The following C11orf91 variants were observed in gnomAD, a reference collection of about 807,000 sequenced individuals.
The protein encoded by C11orf91 is chromosome 11 open reading frame 91.
A neutral mutation model predicts 14.3 loss-of-function variants in C11orf91; 10 were observed. The ratio of observed to expected loss-of-function variants is 0.70; its 90% CI spans 0.43 to 1.18. C11orf91 has a LOEUF of 1.18. C11orf91 is among the 50% of genes most tolerant of loss of function. The pLI is 0.00. For synonymous variants in C11orf91, 141 were observed against 130.6 expected (o/e 1.08, Z -0.54); for missense variants, 236 against 269.0 (o/e 0.88, Z 0.86).
At chr11:33,704,706 TAGAC>T (rs1175597085), upstream of C11orf91, 2 of 152,376 alleles carry the variant, frequency 1.3e-5, no homozygotes, top group African/African-American at 4.8e-5. Flanking sequence ...GCATTTCAAA[TAGAC>T]AGGCCAGCTC....
chr11:33,700,748 A>G lies in C11orf91; in HGVS notation c.-8T>C, dbSNP rs1011512925. 1.6e-5 allele frequency: 22 copies of G among 1,342,458 alleles called. No individual in the cohort carries two copies. The African/African-American group carries it at 3.2e-4, about 19-fold the overall frequency. 83.2% of individuals were successfully genotyped at this position (1,342,458 alleles called of 1,614,324 possible). A position where few individuals can be genotyped will look rare whatever the true frequency, so the allele number is the denominator to read the frequency against. ...GCGCCGCCCCTTTGGCATCGTTTGA[A>G]TGAGGGTCTGCGTGGGAGGAACCCC... is the stretch of plus-strand genomic sequence containing the variant. On this transcript the variant is annotated 5_prime_UTR_variant, in exon 1 of 2. Coordinates refer to ENST00000379011, the MANE Select transcript of C11orf91 (RefSeq NM_001166692.2).
In C11orf91 at chr11:33,700,330, G is replaced by A; in HGVS notation, c.411C>T (p.His137=). Residue 137 remains histidine (H), a synonymous_variant, in exon 1 of 2, where the codon CAC becomes CAT. Transcript: ENST00000379011. Reference sequence around the variant, plus strand: ...TCTCCAGCTCGCAGAGCTCCTCCGGGTGGGAGGCAGAGGCGAGCCTGGGGG... The same window carrying A: ...TCTCCAGCTCGCAGAGCTCCTCCGGATGGGAGGCAGAGGCGAGCCTGGGGG... The part of the protein sequence containing the change: ...PSTPRLASAS[H]PEELCELEIR... The A allele has an allele frequency of 6.5e-7, 1 of 1,535,592 alleles. No individual in the cohort carries two copies. The highest frequency in any genetic ancestry group is 8.7e-7 in the Non-Finnish European group (1 of 1,146,744).
chr11:33,702,870 C>G, upstream of C11orf91: 1 of 168,216 alleles, frequency 5.9e-6, no homozygotes, highest in Non-Finnish European at 1.3e-5. Flanking sequence ...GAACCTTTCT[C>G]AACCTCATTT....
upstream of C11orf91, chr11:33,704,939 T>C (rs1401054336): frequency 6.6e-6 from 1 of 152,540 alleles, no homozygotes; most frequent in Non-Finnish European, 1.5e-5. Flanking sequence ...TGGTCTGGAC[T>C]TGGGGGTGCA....
chr11:33,700,924 G>A (rs557347546), upstream of C11orf91: 12 of 365,438 alleles, frequency 3.3e-5, no homozygotes, highest in Admixed American at 1.2e-4. Flanking sequence ...CCCGGAACGC[G>A]GCCCCGCCCA....
chr11:33,700,450 G>A lies in C11orf91; in HGVS notation c.291C>T (p.Gly97=), dbSNP rs1233997561. ...GAGGCTCGTAGGGGATGGAGGCCAG[G>A]CCGGAGGGCCAGGGCGAGGGCCAGG... ...ERPWPSPWPS[G]LASIPYEPLR... The change falls in exon 1 of 2, where the codon GGC becomes GGT. Residue 97 remains glycine (G), a synonymous_variant. Coordinates refer to ENST00000379011, the MANE Select transcript of C11orf91 (RefSeq NM_001166692.2). 1 of 1,483,272 alleles carries A rather than the reference G, an allele frequency of 6.7e-7. No homozygotes were observed. Among genetic ancestry groups the A allele is most frequent in the East Asian group, 2.6e-5 (1 of 38,482 alleles). The allele number at this position is 1,483,272 out of a possible 1,614,324, so 91.9% of individuals were successfully genotyped here. A position where few individuals can be genotyped will look rare whatever the true frequency, so the allele number is the denominator to read the frequency against.
rs1323201189 is a variant in C11orf91 at position 33,700,403 on chromosome 11, G to C, written c.338C>G (p.Pro113Arg). 3 of 1,530,114 alleles carry C rather than the reference G, an allele frequency of 2.0e-6. No homozygotes were observed. Among genetic ancestry groups the C allele is most frequent in the Non-Finnish European group, 1.7e-6 (2 of 1,144,142 alleles). 94.8% of individuals were successfully genotyped at this position (1,530,114 alleles called of 1,614,324 possible). Reference sequence around the variant, plus strand: ...CGAGGCAACCACCTCAGGCCCCGGCGGCGGTGAGTAGAAGAAGCGCAGAGG... The same window carrying C: ...CGAGGCAACCACCTCAGGCCCCGGCCGCGGTGAGTAGAAGAAGCGCAGAGG... Reference protein sequence around the residue: ...YEPLRFFYSPPPGPEVVASPL... With the variant: ...YEPLRFFYSPRPGPEVVASPL... Residue 113 changes from proline (P) to arginine (R), a missense_variant, in exon 1 of 2, where the codon CCG becomes CGG. By Grantham distance (103) the Pro-to-Arg change is moderately radical. Transcript: ENST00000379011.
rs763217367 is a variant in C11orf91, at chr11:33,700,638, G to C, written c.103C>G (p.Pro35Ala). 4.7e-6 allele frequency: 7 copies of C among 1,473,964 alleles called. No homozygotes were observed. In the South Asian group the frequency reaches 9.1e-5, roughly 19 times the overall value. 91.3% of individuals were successfully genotyped at this position (1,473,964 alleles called of 1,614,324 possible). Residue 35 changes from proline to alanine, a missense_variant, in exon 1 of 2, where the codon CCG becomes GCG. Coordinates refer to ENST00000379011, the MANE Select transcript of C11orf91 (RefSeq NM_001166692.2). ...TTCCAGATGTTGAAGTCGCTGAGCG[G>C]GGACGAGGAGATGCCGCGGTCGTAC... The part of the protein sequence containing the change: ...SLYDRGISSS[P>A]LSDFNIWKKL...
At chr11:33,705,116 G>A (rs758162895), upstream of C11orf91, 10 of 152,190 alleles carry the variant, frequency 6.6e-5, no homozygotes, top group Non-Finnish European at 1.3e-4. Context: ...TGGAAGATGA[G>A]GGAGCTGGGT....
At chr11:33,699,857 C>T (rs1331099784) in intron 1 of C11orf91, among the ~76,000 whole-genome samples, 1 of 152,180 alleles carries the variant, frequency 6.6e-6, no homozygotes, top group Non-Finnish European at 1.5e-5. Flanking sequence ...TAGGACCGAA[C>T]ATTAAAGCTT....
At chr11:33,701,502 C>T (rs1853126506), upstream of C11orf91, among the ~76,000 whole-genome samples, 1 of 152,210 alleles carries the variant, frequency 6.6e-6, no homozygotes, top group Non-Finnish European at 1.5e-5. Flanking sequence ...AAATCCTGTC[C>T]GCCCTACCTC....
upstream of C11orf91, among the ~76,000 whole-genome samples, chr11:33,701,514 A>T (rs1413927004): frequency 6.6e-6 from 1 of 152,212 alleles, no homozygotes; most frequent in African/African-American, 2.4e-5. Context: ...CCCTACCTCA[A>T]ATACTTCACC....
chr11:33,704,516 G>A (rs539604875), upstream of C11orf91: 3 of 152,236 alleles, frequency 2.0e-5, no homozygotes, highest in East Asian at 1.9e-4. Context: ...CTGCTTCTAC[G>A]ACCTGCTGAG....
upstream of C11orf91, chr11:33,705,750 A>G (rs1053688147): frequency 6.6e-6 from 1 of 152,180 alleles, no homozygotes; most frequent in Non-Finnish European, 1.5e-5. Context: ...TCCCTTTCAT[A>G]TATACATATA....
At position 33,700,735 on chromosome 11, in the gene C11orf91, T is replaced by C; in HGVS notation, c.6A>G (p.Pro2=). Residue 2 remains proline, a synonymous_variant, in exon 1 of 2, where the codon CCA becomes CCG. Transcript: ENST00000379011. M[P]KGRRGSHSPT... is the part of the protein sequence containing the mutation. Reference sequence around the variant, plus strand: ...GGCTGTGGCTGCCGCGCCGCCCCTTTGGCATCGTTTGAATGAGGGTCTGCG... The same window carrying C: ...GGCTGTGGCTGCCGCGCCGCCCCTTCGGCATCGTTTGAATGAGGGTCTGCG... The C allele has an allele frequency of 7.3e-7, 1 of 1,364,434 alleles. No homozygotes were observed. The highest frequency in any genetic ancestry group is 9.5e-7 in the Non-Finnish European group (1 of 1,055,730). 84.5% of individuals were successfully genotyped at this position (1,364,434 alleles called of 1,614,324 possible).
upstream of C11orf91, chr11:33,702,701 C>A: frequency 2.6e-6 from 1 of 384,680 alleles, no homozygotes; most frequent in Non-Finnish European, 5.1e-6. Context: ...GTTAATCTGT[C>A]TTTGTCAGTT....
At chr11:33,699,827 C>T (rs1853090248) in intron 1 of C11orf91, among the ~76,000 whole-genome samples, 1 of 152,230 alleles carries the variant, frequency 6.6e-6, no homozygotes, top group Admixed American at 6.5e-5. Context: ...TTCACCTTCC[C>T]CCCATGGAGA....
rs574922565 is a variant in C11orf91 at position 33,699,870 on chromosome 11, G to A, written c.496+375C>T. 4.6e-5 allele frequency among the ~76,000 whole-genome samples: 7 copies of A among 152,322 alleles called. No homozygotes were observed. The South Asian group carries it at 6.2e-4, about 14-fold the overall frequency. ...TTTAGGACCGAACATTAAAGCTTAG[G>A]GACTGTCTGTGGTGGGTGGAGCTCC... On this transcript the variant is annotated intron_variant, in intron 1 of 1. Coordinates refer to ENST00000379011, the MANE Select transcript of C11orf91 (RefSeq NM_001166692.2).
In C11orf91 at chr11:33,700,258, G is replaced by C; in HGVS notation, c.483C>G (p.Phe161Leu). The part of the protein sequence containing the change: ...LELLTITGDG[F>L]DSQSYTFLKA... ...GAGGTCACGCACAGCTCTGGGAGTC[G>C]AAGCCGTCCCCAGTGATGGTGAGCA... Residue 161 changes from phenylalanine (F) to leucine (L), a missense_variant, in exon 1 of 2, where the codon TTC (phenylalanine) becomes TTG (leucine). By Grantham distance (22) the Phe-to-Leu change is conservative. Coordinates refer to ENST00000379011, the MANE Select transcript of C11orf91 (RefSeq NM_001166692.2). 6.5e-7 allele frequency: 1 copy of C among 1,533,976 alleles called. No individual in the cohort carries two copies. Among genetic ancestry groups the C allele is most frequent in the South Asian group, 1.2e-5 (1 of 84,026 alleles).
Sources: gnomAD v4.1 joint callset for allele counts (sites outside exome capture counted in the v4.1 genomes callset) on GRCh38, gnomAD v4.1.1 for gene constraint, MANE v1.5 for transcripts, NCBI Gene and HGNC (gene_info 2026-07-23, HGNC 2026-07-21) for gene names.